Variants in CACNA1C observed in about 807,000 individuals in gnomAD.
The protein encoded by CACNA1C is calcium voltage-gated channel subunit alpha1 C.
CACNA1C carries 30 observed loss-of-function variants against 229.0 expected under a neutral mutation model. The observed-to-expected ratio is 0.13, with a 90% CI of 0.10 to 0.18. CACNA1C has a LOEUF of 0.18. Among genes scored for constraint, CACNA1C ranks in the 10% least tolerant of loss-of-function variants. The probability of loss-of-function intolerance (pLI) is 1.00; values close to 1 mark genes in which losing one functional copy is unlikely to be tolerated. For missense variants in CACNA1C, 1,658 were observed against 2,845.0 expected (o/e 0.58, Z 9.49); for synonymous variants, 1,114 against 1,132.5 (o/e 0.98, Z 0.33).
intron 3 of CACNA1C, among the ~76,000 whole-genome samples, chr12:2,282,491 C>T (rs949842812): frequency 2.0e-5 from 3 of 152,120 alleles, no homozygotes; most frequent in African/African-American, 7.2e-5. Flanking sequence ...AGTCAACACC[C>T]GGAAGAAAAC....
chr12:2,593,034 G>T lies in CACNA1C; in HGVS notation c.2531-179G>T, dbSNP rs377334246. On this transcript the variant is annotated intron_variant, in intron 18 of 46. Transcript: ENST00000399655. ...CCCCTTATTGTGCACTGCCAGATAC[G>T]ACTTCTCCAGCAGAGATGAGCTGCA... Among the ~76,000 whole-genome samples, 3 of 152,240 alleles carry T rather than the reference G, an allele frequency of 2.0e-5. No individual in the cohort carries two copies. The East Asian group carries it at 5.8e-4, about 29-fold the overall frequency.
chr12:2,621,346 G>T (rs1239178190), intron 29 of CACNA1C, among the ~76,000 whole-genome samples: 1 of 152,148 alleles, frequency 6.6e-6, no homozygotes, highest in Non-Finnish European at 1.5e-5. Context: ...AAAGGAGCCA[G>T]AAGAGGAGCA....
chr12:2,565,055 T>C (rs988318339), intron 11 of CACNA1C, among the ~76,000 whole-genome samples: 4 of 152,310 alleles, frequency 2.6e-5, no homozygotes, highest in Admixed American at 2.0e-4. Context: ...ATATTTTCTC[T>C]GTATCAGGAA....
At chr12:2,588,146 A>G (rs2063370410) in intron 18 of CACNA1C, among the ~76,000 whole-genome samples, 1 of 152,172 alleles carries the variant, frequency 6.6e-6, no homozygotes, top group African/African-American at 2.4e-5. Context: ...TCCTCCGAAG[A>G]TCACGTGGCC....
Position 2,504,364 on chromosome 12 carries a change from A to T in CACNA1C, c.1114-478A>T. The T allele has an allele frequency of 1.2e-6, 1 of 854,648 alleles. No homozygotes were observed. The highest frequency in any genetic ancestry group is 2.0e-6 in the Non-Finnish European group (1 of 494,560). 52.9% of individuals were successfully genotyped at this position (854,648 alleles called of 1,614,324 possible). The stretch of plus-strand genomic sequence containing the variant: ...CCGTCTGTCCCCTCCCAATCTGCTC[A>T]CACCTGCTGCCTGCCTCTTTGCTGT... On this transcript the variant is annotated intron_variant, in intron 7 of 46. Coordinates refer to ENST00000399655, the MANE Select transcript of CACNA1C (RefSeq NM_000719.7). This position sits in a 1 kb window ranked among gnomAD's most constrained non-coding sequence, Gnocchi z 6.8.
chr12:2,686,160 T>C lies in CACNA1C; in HGVS notation c.5681-6T>C. 2.5e-6 allele frequency: 4 copies of C among 1,612,384 alleles called. No homozygotes were observed. The highest frequency in any genetic ancestry group is 3.4e-6 in the Non-Finnish European group (4 of 1,178,436). ...CCTGATGGTGGCTCTCTGGCTGGCT[T>C]TGCAGGTCGAAGGGCCTCCTTCCAC... On this transcript the variant is annotated splice_polypyrimidine_tract_variant and splice_region_variant and intron_variant, in intron 44 of 46. Transcript: ENST00000399655.
At chr12:2,099,654 A>G (rs1023429105) in intron 1 of CACNA1C, among the ~76,000 whole-genome samples, 2 of 152,246 alleles carry the variant, frequency 1.3e-5, no homozygotes, top group African/African-American at 2.4e-5. Context: ...TTGGAAAATT[A>G]ATCACAAAAA....
chr12:2,558,888 G>A (rs917440543), intron 11 of CACNA1C, among the ~76,000 whole-genome samples: 6 of 151,958 alleles, frequency 3.9e-5, no homozygotes, highest in African/African-American at 1.5e-4. Flanking sequence ...AAAACATCTA[G>A]GGTCAGGCCC....
chr12:2,539,220 A>G (rs1419568382), intron 9 of CACNA1C, among the ~76,000 whole-genome samples: 1 of 129,414 alleles, frequency 7.7e-6, no homozygotes, highest in Non-Finnish European at 1.7e-5. Flanking sequence ...AGGGCTTCAT[A>G]AAGATGCAGG....
chr12:2,226,125 G>GCACACACA (rs59055471), intron 3 of CACNA1C, among the ~76,000 whole-genome samples: 11 of 142,770 alleles, frequency 7.7e-5, no homozygotes, highest in Non-Finnish European at 1.2e-4. Context: ...ATGGGGACGC[G>GCACACACA]CACACACACA....
At chr12:2,560,797 A>G (rs1016292036) in intron 11 of CACNA1C, among the ~76,000 whole-genome samples, 4 of 151,016 alleles carry the variant, frequency 2.6e-5, no homozygotes, top group African/African-American at 9.8e-5. Context: ...TTACTTATTT[A>G]CAAGAGAATT....
rs538868596 is a variant in CACNA1C, at chr12:2,565,284, A to G, written c.1509-1138A>G. Among the ~76,000 whole-genome samples the G allele has an allele frequency of 2.0e-5, 3 of 151,638 alleles. No homozygotes were observed. The South Asian group carries it at 6.3e-4, about 32-fold the overall frequency. On this transcript the variant is annotated intron_variant, in intron 11 of 46. Coordinates refer to ENST00000399655, the MANE Select transcript of CACNA1C (RefSeq NM_000719.7). ...GAGATCGAGACCATCCTGGCTAACA[A>G]GGTGAAACCCGTCTCTACTAAAAAT...
At chr12:2,416,544 C>T (rs1274319888) in intron 3 of CACNA1C, among the ~76,000 whole-genome samples, 1 of 152,100 alleles carries the variant, frequency 6.6e-6, no homozygotes, top group African/African-American at 2.4e-5. Context: ...GGAATTTGTC[C>T]CAGGTCAAAC....
intron 3 of CACNA1C, among the ~76,000 whole-genome samples, chr12:2,372,642 C>A (rs1330678847): frequency 6.6e-6 from 1 of 150,764 alleles, no homozygotes; most frequent in African/African-American, 2.4e-5. Flanking sequence ...TTTTTGGCAA[C>A]CTGAAAAAAT....
intron 3 of CACNA1C, among the ~76,000 whole-genome samples, chr12:2,336,034 A>C (rs879470497): frequency 8.0e-4 from 121 of 151,880 alleles, no homozygotes; most frequent in Non-Finnish European, 1.5e-3. Context: ...AAAAAAAAAA[A>C]AAAAAACAAA....
chr12:2,551,616 C>T (rs752735500), intron 10 of CACNA1C, among the ~76,000 whole-genome samples: 2 of 152,062 alleles, frequency 1.3e-5, no homozygotes, highest in African/African-American at 2.4e-5. Context: ...ACTGAGATTG[C>T]GTGTGATGGT....
Position 2,567,574 on chromosome 12 carries a change from G to A in CACNA1C, c.1675G>A (p.Ala559Thr), listed in dbSNP as rs1337649840. The A allele has an allele frequency of 1.9e-6, 3 of 1,581,800 alleles. No individual in the cohort carries two copies. Among genetic ancestry groups the A allele is most frequent in the Non-Finnish European group, 2.6e-6 (3 of 1,163,222 alleles). The change falls in exon 13 of 47, where the codon GCA becomes ACA. Residue 559 changes from alanine (A) to threonine (T), a missense_variant. Transcript: ENST00000399655. Reference sequence around the variant, plus strand: ...CCCTCTCCTGGGCCTGCCAGACACGGCAAACAAGGCCCTGCTGGCCCTGTT... The same window carrying A: ...CCCTCTCCTGGGCCTGCCAGACACGACAAACAAGGCCCTGCTGGCCCTGTT... ...PNWLTEVQDT[A>T]NKALLALFTA...
intron 1 of CACNA1C, among the ~76,000 whole-genome samples, chr12:2,022,353 C>T (rs771340976): frequency 1.3e-5 from 2 of 152,016 alleles, no homozygotes; most frequent in African/African-American, 2.4e-5. Context: ...ATGTATAGCT[C>T]ACATTTGTTT....
chr12:2,516,209 C>T (rs1210920943), intron 9 of CACNA1C, among the ~76,000 whole-genome samples: 3 of 151,958 alleles, frequency 2.0e-5, no homozygotes, highest in Admixed American at 6.6e-5. Context: ...TAGAGGCTAG[C>T]GAGAAGGGGC....
Sources: allele counts gnomAD v4.1 joint callset (sites outside exome capture counted in the v4.1 genomes callset), GRCh38; gene constraint gnomAD v4.1.1; non-coding constraint Gnocchi (gnomAD v3.1); transcripts MANE v1.5; gene names NCBI Gene and HGNC (gene_info 2026-07-23, HGNC 2026-07-21).